Variants in TBC1D32 observed in about 807,000 individuals in gnomAD.
The protein encoded by TBC1D32 is protein broad-minded.
A neutral mutation model predicts 170.3 loss-of-function variants in TBC1D32; 151 were observed. That is an observed-to-expected ratio of 0.89 (90% CI 0.78 to 1.01). The LOEUF (loss-of-function observed/expected upper bound fraction) is 1.01, where lower values mean the gene tolerates loss of function less well. Among genes scored for constraint, TBC1D32 ranks in the 50% least tolerant of loss-of-function variants. The pLI, the probability that TBC1D32 is intolerant of heterozygous loss-of-function variation, is 0.00. For synonymous variants in TBC1D32, 498 were observed against 488.0 expected (o/e 1.02, Z -0.27); for missense variants, 1,464 against 1,457.1 (o/e 1.00, Z -0.08).
At chr6:121,271,936 C>A (rs919714460) in intron 15 of TBC1D32, among the ~76,000 whole-genome samples, 3 of 151,998 alleles carry the variant, frequency 2.0e-5, no homozygotes, top group Non-Finnish European at 4.4e-5. Context: ...AGAACAGAGC[C>A]CTCAGAAATA....
At chr6:121,109,541 T>A (rs532718989) in intron 29 of TBC1D32, among the ~76,000 whole-genome samples, 47 of 152,288 alleles carry the variant, frequency 3.1e-4, no homozygotes, top group African/African-American at 9.9e-4. Context: ...CCTGATTTTT[T>A]AAAATATATC....
rs367923600 is a variant in TBC1D32, at chr6:121,283,901, G to C, written c.1382C>G (p.Ser461Cys). 8.7e-6 allele frequency: 14 copies of C among 1,602,646 alleles called. No homozygotes were observed. In the East Asian group the frequency reaches 2.9e-4, roughly 33 times the overall value. Residue 461 changes from serine to cysteine, a missense_variant, in exon 13 of 32, where the codon TCC (serine) becomes TGC (cysteine). Physicochemically the swap from Ser to Cys is moderately radical, Grantham distance 112. Coordinates refer to ENST00000398212, the MANE Select transcript of TBC1D32 (RefSeq NM_152730.6). ...AAAAAGAACAAGCAGATCTATGAGG[G>C]ATACCAAACCTTTAAAAAGAAAATA... ...IKLKNKKGLVSLIDLLVLFTQ... is the reference protein window; with the variant it reads ...IKLKNKKGLVCLIDLLVLFTQ...
intron 24 of TBC1D32, among the ~76,000 whole-genome samples, chr6:121,157,757 C>G (rs1304353434): frequency 1.3e-5 from 2 of 151,864 alleles, no homozygotes. Flanking sequence ...TTTCCTTTAC[C>G]CTGAAGCTGA....
intron 22 of TBC1D32, among the ~76,000 whole-genome samples, chr6:121,175,896 A>G (rs1474592135): frequency 1.3e-5 from 2 of 152,248 alleles, no homozygotes; most frequent in African/African-American, 4.8e-5. Flanking sequence ...TAGAATGTTC[A>G]TTATTAGAAG....
chr6:121,225,043 C>T (rs1234400227), intron 20 of TBC1D32, among the ~76,000 whole-genome samples: 4 of 152,000 alleles, frequency 2.6e-5, no homozygotes, highest in East Asian at 1.9e-4. Flanking sequence ...GAGAACACTA[C>T]ATGAGAAGTA....
intron 22 of TBC1D32, among the ~76,000 whole-genome samples, chr6:121,170,695 T>A (rs941548636): frequency 1.3e-5 from 2 of 152,084 alleles, no homozygotes; most frequent in Non-Finnish European, 2.9e-5. Context: ...AGTAATCTCC[T>A]CTTCAAAAGT....
intron 24 of TBC1D32, among the ~76,000 whole-genome samples, chr6:121,138,593 A>G (rs757922960): frequency 6.6e-6 from 1 of 152,234 alleles, no homozygotes; most frequent in African/African-American, 2.4e-5. Context: ...GTTGATGTCA[A>G]ATAAAAGTCA....
chr6:121,168,645 T>G (rs1275280975), intron 22 of TBC1D32, among the ~76,000 whole-genome samples: 1 of 120,930 alleles, frequency 8.3e-6, no homozygotes, highest in Admixed American at 9.2e-5. Flanking sequence ...CGCACCAGCA[T>G]GGCACATGTA....
intron 2 of TBC1D32, among the ~76,000 whole-genome samples, chr6:121,320,535 T>G (rs1343856210): frequency 6.6e-6 from 1 of 152,126 alleles, no homozygotes; most frequent in Non-Finnish European, 1.5e-5. Flanking sequence ...ACAGACTTAC[T>G]AGGAATTATA....
chr6:121,174,501 C>T (rs1325602468), intron 22 of TBC1D32, among the ~76,000 whole-genome samples: 1 of 152,040 alleles, frequency 6.6e-6, no homozygotes, highest in Non-Finnish European at 1.5e-5. Context: ...CCAGGCAAAA[C>T]GACCAAGTTA....
Position 121,117,643 on chromosome 6 carries a change from A to C in TBC1D32, c.2984-2402T>G, listed in dbSNP as rs549696098. Among the ~76,000 whole-genome samples, 44 of 152,276 alleles carry C rather than the reference A, an allele frequency of 2.9e-4. 2 individuals are homozygous for C. The highest frequency in any genetic ancestry group is 1.1e-3 in the African/African-American group (44 of 41,564). On this transcript the variant is annotated intron_variant, in intron 26 of 31. Transcript: ENST00000398212. ...CCTGAACCTGGGAGACAGTGGTGGG[A>C]GTGGGCTGAGATCATGCCACTGAAC...
chr6:121,255,486 T>C (rs899288518), intron 16 of TBC1D32, 76 bp from the exon 17 acceptor site: 4 of 312,118 alleles, frequency 1.3e-5, no homozygotes, highest in Non-Finnish European at 2.2e-5. Flanking sequence ...ATTATATTTA[T>C]AATTATATTT....
At chr6:121,141,236 A>G (rs80238738) in intron 24 of TBC1D32, among the ~76,000 whole-genome samples, 2,294 of 152,002 alleles carry the variant, frequency 0.015, 75 homozygotes, top group African/African-American at 0.053. Context: ...GATAAGGTGG[A>G]GATAACTTCT....
At chr6:121,081,896 T>C (rs1775680896) in intron 31 of TBC1D32, among the ~76,000 whole-genome samples, 1 of 151,948 alleles carries the variant, frequency 6.6e-6, no homozygotes, top group Admixed American at 6.6e-5. Flanking sequence ...AAAATCTACA[T>C]AGTTTGAGGG....
rs552364151 is a variant in TBC1D32 at position 121,267,299 on chromosome 6, T to C, written c.1734-11014A>G. On this transcript the variant is annotated intron_variant, in intron 15 of 31. Coordinates refer to ENST00000398212, the MANE Select transcript of TBC1D32 (RefSeq NM_152730.6). Reference sequence around the variant, plus strand: ...TACACTGGGTGCAGCCCATGGAGTGTGAACCGAAGCAGGGCGGGGCATCGC... The same window carrying C: ...TACACTGGGTGCAGCCCATGGAGTGCGAACCGAAGCAGGGCGGGGCATCGC... Among the ~76,000 whole-genome samples the C allele has an allele frequency of 2.0e-5, 3 of 152,130 alleles. No individual in the cohort carries two copies. The East Asian group carries it at 5.8e-4, about 30-fold the overall frequency.
chr6:121,255,320 G>A lies in TBC1D32; in HGVS notation c.2018+8C>T. The A allele has an allele frequency of 6.6e-7, 1 of 1,511,500 alleles. No homozygotes were observed. Among genetic ancestry groups the A allele is most frequent in the Non-Finnish European group, 9.0e-7 (1 of 1,107,906 alleles). 93.6% of individuals were successfully genotyped at this position (1,511,500 alleles called of 1,614,324 possible). ...AATAAATGCATGACTTTCATCAATT[G>A]TACTTACATGTTTTGGGATTCCTGG... On this transcript the variant is annotated splice_region_variant and intron_variant, in intron 17 of 31. Coordinates refer to ENST00000398212, the MANE Select transcript of TBC1D32 (RefSeq NM_152730.6).
At position 121,317,343 on chromosome 6, in the gene TBC1D32, T is replaced by C. The variant is rs919374895; in HGVS notation, c.495+152A>G. ...TATAATTCTATAAGATGTTATTTCATGGACTAAATATTTAATATTAGGTTA... is the reference window on the plus strand; with the variant it reads ...TATAATTCTATAAGATGTTATTTCACGGACTAAATATTTAATATTAGGTTA... On this transcript the variant is annotated intron_variant, in intron 3 of 31. Coordinates refer to ENST00000398212, the MANE Select transcript of TBC1D32 (RefSeq NM_152730.6). 13 of 501,908 alleles carry C rather than the reference T, an allele frequency of 2.6e-5. No homozygotes were observed. The East Asian group carries it at 4.4e-4, about 17-fold the overall frequency. The allele number at this position is 501,908 out of a possible 1,614,324, so 31.1% of individuals were successfully genotyped here.
intron 26 of TBC1D32, among the ~76,000 whole-genome samples, chr6:121,121,190 G>A (rs1780223739): frequency 6.6e-6 from 1 of 151,982 alleles, no homozygotes; most frequent in African/African-American, 2.4e-5. Flanking sequence ...AGAGAATCCT[G>A]CTTAGGAATA....
At chr6:121,323,500 T>C (rs1462653006) in intron 1 of TBC1D32, among the ~76,000 whole-genome samples, 1 of 152,236 alleles carries the variant, frequency 6.6e-6, no homozygotes, top group African/African-American at 2.4e-5. Flanking sequence ...ATTGGCTGCC[T>C]ATTATCTTTC....
Sources: allele counts gnomAD v4.1 joint callset (sites outside exome capture counted in the v4.1 genomes callset), GRCh38; gene constraint gnomAD v4.1.1; transcripts MANE v1.5; gene names NCBI Gene and HGNC (gene_info 2026-07-23, HGNC 2026-07-21).